Variants in IL6ST observed in about 807,000 individuals in gnomAD.
The protein encoded by IL6ST is interleukin 6 cytokine family signal transducer.
A neutral mutation model predicts 91.3 loss-of-function variants in IL6ST; 24 were observed. The observed-to-expected ratio is 0.26, with a 90% CI of 0.19 to 0.37. The LOEUF (loss-of-function observed/expected upper bound fraction) is 0.37, where lower values mean the gene tolerates loss of function less well. Among genes scored for constraint, IL6ST ranks in the 10% least tolerant of loss-of-function variants. The probability of loss-of-function intolerance (pLI) is 1.00; values close to 1 mark genes in which losing one functional copy is unlikely to be tolerated. For missense variants in IL6ST, 914 were observed against 1,078.5 expected (o/e 0.85, Z 2.14); for synonymous variants, 351 against 373.6 (o/e 0.94, Z 0.70).
At chr5:55,975,761 A>G (rs1020638823) in intron 3 of IL6ST, among the ~76,000 whole-genome samples, 1 of 152,198 alleles carries the variant, frequency 6.6e-6, no homozygotes, top group African/African-American at 2.4e-5. Flanking sequence ...CTATAGAATG[A>G]TTAGATATCT....
chr5:55,943,142 T>TC (rs1751022264), intron 15 of IL6ST, among the ~76,000 whole-genome samples: 1 of 151,908 alleles, frequency 6.6e-6, no homozygotes, highest in Non-Finnish European at 1.5e-5. Flanking sequence ...AATATAAAAA[T>TC]CAAATTTAAA....
intron 3 of IL6ST, among the ~76,000 whole-genome samples, chr5:55,974,087 C>T (rs932581944): frequency 1.3e-5 from 2 of 152,124 alleles, no homozygotes; most frequent in African/African-American, 2.4e-5. Flanking sequence ...CAACATGAAA[C>T]AAGGGTATAT....
At position 55,936,215 on chromosome 5, in the gene IL6ST, G is replaced by A. The variant is rs1750513806; in HGVS notation, c.*4867C>T. On this transcript the variant is annotated 3_prime_UTR_variant, in exon 17 of 17. Transcript: ENST00000381298. ...TCAAGAAGTAGCAGGAGGATGCCAT[G>A]TATCAATCTTGAACTTCAAGTCTCA... is the stretch of plus-strand genomic sequence containing the variant. 1 of 225,808 alleles carries A rather than the reference G, an allele frequency of 4.4e-6. No homozygotes were observed. Among genetic ancestry groups the A allele is most frequent in the Non-Finnish European group, 8.8e-6 (1 of 113,592 alleles). The allele number at this position is 225,808 out of a possible 1,614,324, so 14.0% of individuals were successfully genotyped here.
At chr5:55,990,028 T>C (rs1355210543) in intron 1 of IL6ST, among the ~76,000 whole-genome samples, 2 of 152,100 alleles carry the variant, frequency 1.3e-5, no homozygotes, top group Non-Finnish European at 2.9e-5. Context: ...CAATCAACCT[T>C]AGAGCAAAGG....
In IL6ST at chr5:55,941,070, A is replaced by G; in HGVS notation, c.*12T>C. ...AGGTACTGCTGAAGTTGTAGCAGGAACTACTAGTCCTTCACTGAGGCATGT... is the reference window on the plus strand; with the variant it reads ...AGGTACTGCTGAAGTTGTAGCAGGAGCTACTAGTCCTTCACTGAGGCATGT... On this transcript the variant is annotated 3_prime_UTR_variant, in exon 17 of 17. Coordinates refer to ENST00000381298, the MANE Select transcript of IL6ST (RefSeq NM_002184.4). The G allele has an allele frequency of 8.2e-6, 13 of 1,584,286 alleles. No individual in the cohort carries two copies. Among genetic ancestry groups the G allele is most frequent in the Non-Finnish European group, 1.1e-5 (13 of 1,165,124 alleles).
chr5:55,953,475 C>T (rs932772497), intron 11 of IL6ST, among the ~76,000 whole-genome samples: 7 of 152,140 alleles, frequency 4.6e-5, no homozygotes, highest in African/African-American at 1.7e-4. Context: ...CTGCAACCTC[C>T]GCCTCCCGGG....
intron 1 of IL6ST, among the ~76,000 whole-genome samples, chr5:55,994,570 G>C (rs951014487): frequency 6.6e-6 from 1 of 151,932 alleles, no homozygotes; most frequent in Admixed American, 6.6e-5. Flanking sequence ...TTGTACTCAG[G>C]GCTGCGATAA....
At chr5:55,958,967 T>C (rs1304950826) in intron 8 of IL6ST, among the ~76,000 whole-genome samples, 1 of 151,876 alleles carries the variant, frequency 6.6e-6, no homozygotes, top group Non-Finnish European at 1.5e-5. Flanking sequence ...GTACAGAAGT[T>C]AAAATAGATA....
chr5:55,992,873 G>A (rs1043357824), intron 1 of IL6ST, among the ~76,000 whole-genome samples: 1 of 152,090 alleles, frequency 6.6e-6, no homozygotes, highest in African/African-American at 2.4e-5. Context: ...AAACTGCTTT[G>A]CATCCTTGTA....
rs895383863 is a variant in IL6ST, at chr5:55,937,734, AT to A, written c.*3347del. The A allele has an allele frequency of 1.5e-4, 29 of 193,910 alleles. No individual in the cohort carries two copies. Among genetic ancestry groups the A allele is most frequent in the African/African-American group, 2.3e-4 (10 of 43,138 alleles). The allele number at this position is 193,910 out of a possible 1,614,324, so 12.0% of individuals were successfully genotyped here. A position where few individuals can be genotyped will look rare whatever the true frequency, so the allele number is the denominator to read the frequency against. On this transcript the variant is annotated 3_prime_UTR_variant, in exon 17 of 17. Transcript: ENST00000381298. ...CTGTAATAGAAAGCTATCCCAGTAA[AT>A]TTTTTTTGAACAATTGAACTTTTGT...
At chr5:55,947,652 TAAG>T (rs1266563356) in intron 14 of IL6ST, 63 bp from the exon 15 acceptor site, 2 of 881,634 alleles carry the variant, frequency 2.3e-6, no homozygotes, top group African/African-American at 3.9e-5. Flanking sequence ...ACATATGAAC[TAAG>T]AAGACATAAT....
At chr5:55,960,078 G>A (rs1752220974) in intron 8 of IL6ST, among the ~76,000 whole-genome samples, 1 of 152,020 alleles carries the variant, frequency 6.6e-6, no homozygotes, top group African/African-American at 2.4e-5. Flanking sequence ...TAGAGAAGGG[G>A]TTTCACCATA....
chr5:55,943,608 T>G (rs1467971233), intron 15 of IL6ST, among the ~76,000 whole-genome samples: 1 of 152,054 alleles, frequency 6.6e-6, no homozygotes, highest in Admixed American at 6.6e-5. Flanking sequence ...GAAAAATCAA[T>G]AAAATGCACC....
chr5:55,957,374 C>A, intron 8 of IL6ST, 83 bp from the exon 9 acceptor site: 1 of 679,664 alleles, frequency 1.5e-6, no homozygotes, highest in Non-Finnish European at 2.4e-6. Flanking sequence ...TTACTTTGTT[C>A]TTAATACTCT....
chr5:55,965,176 T>C (rs1022915217), intron 5 of IL6ST, among the ~76,000 whole-genome samples: 1 of 152,186 alleles, frequency 6.6e-6, no homozygotes, highest in Admixed American at 6.5e-5. Context: ...AATCTGACTA[T>C]TACACATCCT....
intron 10 of IL6ST, 100 bp from the exon 11 acceptor site, chr5:55,955,092 G>A: frequency 1.2e-6 from 1 of 819,900 alleles, no homozygotes; most frequent in Non-Finnish European, 1.9e-6. Flanking sequence ...ATCAATTTTT[G>A]TAGCATATAC....
intron 15 of IL6ST, among the ~76,000 whole-genome samples, chr5:55,946,415 G>GCAA (rs1244890547): frequency 2.0e-5 from 3 of 152,204 alleles, no homozygotes; most frequent in African/African-American, 7.2e-5. Context: ...AATATTCATA[G>GCAA]CAACATTATT....
chr5:55,952,700 T>C (rs1318632026), intron 11 of IL6ST, among the ~76,000 whole-genome samples: 1 of 152,174 alleles, frequency 6.6e-6, no homozygotes, highest in Non-Finnish European at 1.5e-5. Flanking sequence ...GCAAGACGAC[T>C]AAAGCAGTAA....
At chr5:55,976,149 T>C in intron 3 of IL6ST, 66 bp downstream of exon 3, 1 of 645,320 alleles carries the variant, frequency 1.5e-6, no homozygotes. Flanking sequence ...CTTAATTATA[T>C]AATAATATAA....
Sources: allele counts gnomAD v4.1 joint callset (sites outside exome capture counted in the v4.1 genomes callset), GRCh38; gene constraint gnomAD v4.1.1; transcripts MANE v1.5; gene names NCBI Gene and HGNC (gene_info 2026-07-23, HGNC 2026-07-21).